HGSNAT: variants seen among roughly 807,000 people sequenced by gnomAD.
The protein encoded by HGSNAT is heparan-alpha-glucosaminide N-acetyltransferase, also known as transmembrane protein 76.
A neutral mutation model predicts 85.2 loss-of-function variants in HGSNAT; 59 were observed. The ratio of observed to expected loss-of-function variants is 0.69; its 90% CI spans 0.56 to 0.86. The LOEUF (loss-of-function observed/expected upper bound fraction) is 0.86, where lower values mean the gene tolerates loss of function less well. Ranked by LOEUF, HGSNAT falls within the 40% of genes least tolerant of loss-of-function variation. The pLI, the probability that HGSNAT is intolerant of heterozygous loss-of-function variation, is 0.00. For missense variants in HGSNAT, 756 were observed against 777.1 expected (o/e 0.97, Z 0.32); for synonymous variants, 321 against 304.5 (o/e 1.05, Z -0.56).
chr8:43,194,500 T>C, intron 14 of HGSNAT: 5 of 985,324 alleles, frequency 5.1e-6, no homozygotes, highest in Non-Finnish European at 6.0e-6. Flanking sequence ...TCATGTACAC[T>C]CATATTAGTC....
chr8:43,163,103 TGAGGTTGCAGTGAGGTGGGAGGGAGGTTG>T (rs1222574308), intron 5 of HGSNAT, among the ~76,000 whole-genome samples: 1 of 151,974 alleles, frequency 6.6e-6, no homozygotes, highest in Non-Finnish European at 1.5e-5. Context: ...GAAAATGGCT[TGAGGTTGCAGTGAGGTGGGAGGGAGGTTG>T]GAGGTTGCAG....
chr8:43,157,847 T>G (rs1334890179), intron 2 of HGSNAT, among the ~76,000 whole-genome samples: 1 of 148,754 alleles, frequency 6.7e-6, no homozygotes, highest in African/African-American at 2.5e-5. Flanking sequence ...ACACATAATT[T>G]ATATAGCAAA....
intron 11 of HGSNAT, among the ~76,000 whole-genome samples, chr8:43,187,573 T>C (rs1804362353): frequency 6.6e-6 from 1 of 152,232 alleles, no homozygotes; most frequent in Non-Finnish European, 1.5e-5. Flanking sequence ...TACAGCACAC[T>C]GATGGGTCTT....
chr8:43,141,855 G>T (rs1035194873), intron 1 of HGSNAT, among the ~76,000 whole-genome samples: 3 of 152,112 alleles, frequency 2.0e-5, no homozygotes, highest in Admixed American at 6.5e-5. Context: ...GACTGATCCC[G>T]CCGAACACTC....
chr8:43,196,215 T>C (rs887684600), intron 14 of HGSNAT: 1 of 329,524 alleles, frequency 3.0e-6, no homozygotes, highest in Non-Finnish European at 6.0e-6. Context: ...AGTTAATTCA[T>C]GTAAAGTTCT....
intron 1 of HGSNAT, among the ~76,000 whole-genome samples, chr8:43,145,216 GTAA>G (rs1259491928): frequency 6.6e-6 from 1 of 152,166 alleles, no homozygotes; most frequent in Non-Finnish European, 1.5e-5. Context: ...AGAGGCTTGG[GTAA>G]GGAAGATGAA....
intron 11 of HGSNAT, among the ~76,000 whole-genome samples, chr8:43,186,387 A>T (rs891530333): frequency 6.6e-6 from 1 of 152,130 alleles, no homozygotes; most frequent in African/African-American, 2.4e-5. Flanking sequence ...TGTGTCCAGG[A>T]ATTTATCAAT....
At chr8:43,157,223 A>G (rs1803120464) in intron 2 of HGSNAT, among the ~76,000 whole-genome samples, 1 of 152,240 alleles carries the variant, frequency 6.6e-6, no homozygotes, top group South Asian at 2.1e-4. Context: ...ACCATAGGAA[A>G]CAAAATAACA....
At chr8:43,145,264 A>G (rs756076343) in intron 1 of HGSNAT, among the ~76,000 whole-genome samples, 18 of 152,170 alleles carry the variant, frequency 1.2e-4, no homozygotes, top group Non-Finnish European at 2.1e-4. Flanking sequence ...GACCTAGGGC[A>G]TCCTTCCTTC....
At chr8:43,170,723 G>T in intron 7 of HGSNAT, 29 bp downstream of exon 7, 1 of 1,417,424 alleles carries the variant, frequency 7.1e-7, no homozygotes, top group Non-Finnish European at 9.7e-7. Flanking sequence ...AGCACAGTGG[G>T]TGCAGGTAGT....
chr8:43,158,868 C>G, intron 3 of HGSNAT, 55 bp from the exon 4 acceptor site: 1 of 1,564,066 alleles, frequency 6.4e-7, no homozygotes, highest in Non-Finnish European at 8.7e-7. Flanking sequence ...TAGCAAAATC[C>G]AACTTCTTAT....
chr8:43,186,589 A>T (rs1804320570), intron 11 of HGSNAT, among the ~76,000 whole-genome samples: 1 of 152,262 alleles, frequency 6.6e-6, no homozygotes, highest in African/African-American at 2.4e-5. Context: ...TAAAAAAACC[A>T]GCTCCTGGAT....
At chr8:43,195,528 G>A (rs1204658201) in intron 14 of HGSNAT, among the ~76,000 whole-genome samples, 12 of 147,340 alleles carry the variant, frequency 8.1e-5, no homozygotes, top group African/African-American at 2.7e-4. Flanking sequence ...AGAAGAGGAG[G>A]AAGAGGAGGA....
chr8:43,149,473 CGG>C (rs1802825293), intron 2 of HGSNAT, among the ~76,000 whole-genome samples: 1 of 152,078 alleles, frequency 6.6e-6, no homozygotes, highest in Admixed American at 6.5e-5. Context: ...CCGAGGCGGG[CGG>C]ATCACGAAGT....
At chr8:43,176,559 A>T (rs1803819312) in intron 9 of HGSNAT, among the ~76,000 whole-genome samples, 1 of 151,116 alleles carries the variant, frequency 6.6e-6, no homozygotes, top group African/African-American at 2.4e-5. Context: ...AAATTTCAGC[A>T]TTTTTTTTTC....
intron 1 of HGSNAT, among the ~76,000 whole-genome samples, chr8:43,140,986 CG>C (rs895706112): frequency 2.0e-5 from 3 of 152,156 alleles, no homozygotes; most frequent in Non-Finnish European, 2.9e-5. Flanking sequence ...AGCCGAGGAT[CG>C]GGGGGGCTCG....
intron 11 of HGSNAT, among the ~76,000 whole-genome samples, chr8:43,185,940 T>G (rs1313759136): frequency 6.6e-6 from 1 of 152,204 alleles, no homozygotes; most frequent in African/African-American, 2.4e-5. Context: ...TGGATTACAT[T>G]TATTGATTTG....
intron 11 of HGSNAT, among the ~76,000 whole-genome samples, chr8:43,186,359 G>T (rs1804309903): frequency 6.6e-6 from 1 of 152,154 alleles, no homozygotes; most frequent in African/African-American, 2.4e-5. Context: ...TCCTGGTTTA[G>T]TCTTGGGAGG....
chr8:43,189,222 G>GC (rs1327392786), intron 11 of HGSNAT, among the ~76,000 whole-genome samples: 3 of 152,194 alleles, frequency 2.0e-5, no homozygotes, highest in Non-Finnish European at 4.4e-5. Flanking sequence ...GCTATGCCCT[G>GC]CCCCCAGAGG....
Sources: gnomAD v4.1 joint callset for allele counts (sites outside exome capture counted in the v4.1 genomes callset) on GRCh38, gnomAD v4.1.1 for gene constraint, MANE v1.5 for transcripts, NCBI Gene and HGNC (gene_info 2026-07-23, HGNC 2026-07-21) for gene names.